The following GRIK2 variants were observed in gnomAD, a reference collection of about 807,000 sequenced individuals.
GRIK2 encodes glutamate receptor ionotropic, kainate 2.
GRIK2 carries 32 observed loss-of-function variants against 100.3 expected under a neutral mutation model. That is an observed-to-expected ratio of 0.32 (90% CI 0.24 to 0.43). GRIK2 has a LOEUF of 0.43. GRIK2 is among the 20% of genes least tolerant of loss of function. The pLI is 1.00. For missense variants in GRIK2, 843 were observed against 1,114.9 expected (o/e 0.76, Z 3.47); for synonymous variants, 417 against 389.4 (o/e 1.07, Z -0.83).
chr6:101,574,008 A>T (rs1777677611), intron 2 of GRIK2, among the ~76,000 whole-genome samples: 1 of 151,724 alleles, frequency 6.6e-6, no homozygotes, highest in African/African-American at 2.4e-5. Flanking sequence ...CCATCATGTC[A>T]CTCTTTTTAC....
intron 10 of GRIK2, among the ~76,000 whole-genome samples, chr6:101,857,855 C>A (rs1784509666): frequency 6.6e-6 from 1 of 152,142 alleles, no homozygotes; most frequent in South Asian, 2.1e-4. Flanking sequence ...CTCCTCACCC[C>A]TTTTTTATTC....
intron 14 of GRIK2, among the ~76,000 whole-genome samples, chr6:101,957,059 A>T (rs1027397833): frequency 1.3e-5 from 2 of 151,922 alleles, no homozygotes; most frequent in Admixed American, 1.3e-4. Context: ...TAGTTCTTTG[A>T]GTAACCTCTA....
intron 2 of GRIK2, among the ~76,000 whole-genome samples, chr6:101,588,668 GCACA>G (rs554114141): frequency 1.4e-5 from 2 of 143,122 alleles, no homozygotes; most frequent in Non-Finnish European, 3.0e-5. Flanking sequence ...ACACGCACAC[GCACA>G]CACACACACA....
chr6:102,044,495 T>G (rs536460720), intron 15 of GRIK2, among the ~76,000 whole-genome samples: 1 of 152,136 alleles, frequency 6.6e-6, no homozygotes, highest in South Asian at 2.1e-4. Context: ...GAAAGAATTA[T>G]TACATGCTGG....
In GRIK2 at chr6:101,956,130, T is replaced by C. The variant is rs1230177782; in HGVS notation, c.2085+27498T>C. On this transcript the variant is annotated intron_variant, in intron 14 of 16. Coordinates refer to ENST00000369134, the MANE Select transcript of GRIK2 (RefSeq NM_021956.5). ...CTAATAATATGTCCTTATGTCAGTG[T>C]GATGTGTTCTTTTATCTTTAAATTA... is the stretch of plus-strand genomic sequence containing the variant. Among the ~76,000 whole-genome samples the C allele has an allele frequency of 6.6e-5, 10 of 152,250 alleles. No individual in the cohort carries two copies. The East Asian group carries it at 1.9e-3, about 29-fold the overall frequency.
chr6:101,639,558 C>T (rs1781185273), intron 4 of GRIK2, among the ~76,000 whole-genome samples: 1 of 151,812 alleles, frequency 6.6e-6, no homozygotes, highest in Admixed American at 6.6e-5. Context: ...GCCACTGCAC[C>T]CCAGTCTGGG....
chr6:101,900,335 A>G (rs1199166723), intron 12 of GRIK2, among the ~76,000 whole-genome samples: 1 of 151,986 alleles, frequency 6.6e-6, no homozygotes. Flanking sequence ...GTGGTGGCAC[A>G]TGCCTGTAAT....
chr6:101,886,128 G>T (rs1032395436), intron 11 of GRIK2, among the ~76,000 whole-genome samples: 1 of 151,940 alleles, frequency 6.6e-6, no homozygotes, highest in Admixed American at 6.6e-5. Flanking sequence ...CTATAATTTT[G>T]CCTTTTCCTG....
intron 4 of GRIK2, among the ~76,000 whole-genome samples, chr6:101,634,770 T>G (rs1780924788): frequency 6.6e-6 from 1 of 151,914 alleles, no homozygotes; most frequent in Admixed American, 6.6e-5. Flanking sequence ...GAGCCTAGAC[T>G]AATTTCTATG....
At chr6:101,859,955 CT>C (rs934488579) in intron 11 of GRIK2, among the ~76,000 whole-genome samples, 162 of 152,048 alleles carry the variant, frequency 1.1e-3, no homozygotes, top group African/African-American at 3.7e-3. Context: ...AGAATCAGGC[CT>C]TTTTTTAGAA....
chr6:101,561,912 G>A (rs534462394), intron 2 of GRIK2, among the ~76,000 whole-genome samples: 43 of 152,298 alleles, frequency 2.8e-4, no homozygotes, highest in Admixed American at 6.5e-4. Flanking sequence ...TTAAAAATCA[G>A]AGAACATTAG....
chr6:101,847,208 A>G (rs1334656812), intron 10 of GRIK2, among the ~76,000 whole-genome samples: 1 of 152,046 alleles, frequency 6.6e-6, no homozygotes, highest in Non-Finnish European at 1.5e-5. Context: ...GTTTTCATTC[A>G]TCACAGAGCA....
At chr6:101,747,489 TA>T (rs1456975197) in intron 7 of GRIK2, among the ~76,000 whole-genome samples, 1 of 152,236 alleles carries the variant, frequency 6.6e-6, no homozygotes, top group African/African-American at 2.4e-5. Flanking sequence ...TTCAATTAGA[TA>T]GCCTTCATTC....
intron 11 of GRIK2, among the ~76,000 whole-genome samples, chr6:101,882,086 A>C (rs755608418): frequency 1.3e-5 from 2 of 152,030 alleles, no homozygotes; most frequent in East Asian, 1.9e-4. Flanking sequence ...AAATCTTCAG[A>C]TCTCATGAGA....
chr6:101,997,745 C>A (rs899117996), intron 14 of GRIK2, among the ~76,000 whole-genome samples: 1 of 151,718 alleles, frequency 6.6e-6, no homozygotes, highest in East Asian at 1.9e-4. Flanking sequence ...TAATTACATT[C>A]TATTGATTTT....
rs1562480952 is a variant in GRIK2 at position 101,909,380 on chromosome 6, T to TGTTGTTGTTG, written c.1749-15221_1749-15220insGTTGTTGTTG. On this transcript the variant is annotated intron_variant, in intron 12 of 16. Coordinates refer to ENST00000369134, the MANE Select transcript of GRIK2 (RefSeq NM_021956.5). ...GCTGAAGGAAGATAGGGTTTTCTTT[T>TGTTGTTGTTG]TCTTTTTTTTTTTTTTAAAGATCAT... Among the ~76,000 whole-genome samples the TGTTGTTGTTG allele has an allele frequency of 5.3e-5, 7 of 132,582 alleles. 1 individual carries two copies. The highest frequency in any genetic ancestry group is 2.2e-4 in the African/African-American group (7 of 31,820). The allele number at this position is 132,582 out of a possible 152,430, so 87.0% of individuals were successfully genotyped here.
intron 7 of GRIK2, among the ~76,000 whole-genome samples, chr6:101,695,069 A>G (rs1390091662): frequency 6.6e-6 from 1 of 151,738 alleles, no homozygotes; most frequent in Non-Finnish European, 1.5e-5. Context: ...TAATATCTTA[A>G]TACGTTTGTG....
At chr6:101,881,824 C>T (rs1400985134) in intron 11 of GRIK2, among the ~76,000 whole-genome samples, 2 of 151,916 alleles carry the variant, frequency 1.3e-5, no homozygotes, top group African/African-American at 4.8e-5. Context: ...CTGCACCCTA[C>T]CCTGGGTGAC....
chr6:101,715,741 G>C (rs949667287), intron 7 of GRIK2, among the ~76,000 whole-genome samples: 12 of 151,740 alleles, frequency 7.9e-5, no homozygotes, highest in Non-Finnish European at 1.8e-4. Context: ...AGTGGAAGAA[G>C]TTTGGAAATA....
Sources: allele counts gnomAD v4.1 joint callset (sites outside exome capture counted in the v4.1 genomes callset), GRCh38; gene constraint gnomAD v4.1.1; transcripts MANE v1.5; gene names NCBI Gene and HGNC (gene_info 2026-07-23, HGNC 2026-07-21).